CNOT6L: variants seen among roughly 807,000 people sequenced by gnomAD.
The protein encoded by CNOT6L is CCR4-NOT transcription complex subunit 6 like, also known as CCR4-NOT transcription complex subunit 6-like.
A neutral mutation model predicts 64.0 loss-of-function variants in CNOT6L; 7 were observed. The ratio of observed to expected loss-of-function variants is 0.11; its 90% CI spans 0.06 to 0.21. The LOEUF (loss-of-function observed/expected upper bound fraction) is 0.21, where lower values mean the gene tolerates loss of function less well. CNOT6L is among the 10% of genes least tolerant of loss of function. The probability of loss-of-function intolerance (pLI) is 1.00; values close to 1 mark genes in which losing one functional copy is unlikely to be tolerated. For missense variants in CNOT6L, 245 were observed against 669.0 expected (o/e 0.37, Z 6.99); for synonymous variants, 193 against 243.4 (o/e 0.79, Z 1.93).
At chr4:77,786,167 GC>G (rs972485758) in intron 1 of CNOT6L, among the ~76,000 whole-genome samples, 4 of 151,986 alleles carry the variant, frequency 2.6e-5, no homozygotes, top group African/African-American at 9.7e-5. Flanking sequence ...TGTAATTCCA[GC>G]TACTGGGGAA....
intron 1 of CNOT6L, among the ~76,000 whole-genome samples, chr4:77,808,205 T>TC (rs1732470564): frequency 6.6e-6 from 1 of 152,174 alleles, no homozygotes; most frequent in South Asian, 2.1e-4. Context: ...CTCATTCCTG[T>TC]AATCCCAACA....
At chr4:77,774,946 T>A (rs1727995566) in intron 2 of CNOT6L, among the ~76,000 whole-genome samples, 1 of 152,210 alleles carries the variant, frequency 6.6e-6, no homozygotes, top group East Asian at 1.9e-4. Context: ...ACCTTCTATG[T>A]ATTAAATGAG....
intron 4 of CNOT6L, among the ~76,000 whole-genome samples, chr4:77,762,757 T>A (rs1340984449): frequency 1.3e-5 from 2 of 152,124 alleles, no homozygotes; most frequent in Non-Finnish European, 2.9e-5. Context: ...TTCCAATATA[T>A]GACATTCTGG....
At chr4:77,778,870 C>A (rs1340996120) in intron 1 of CNOT6L, among the ~76,000 whole-genome samples, 2 of 151,224 alleles carry the variant, frequency 1.3e-5, no homozygotes, top group Non-Finnish European at 3.0e-5. Context: ...CGGTGAAACC[C>A]CGTCTCTACT....
chr4:77,815,186 C>G (rs933935320), intron 1 of CNOT6L, among the ~76,000 whole-genome samples: 1 of 152,106 alleles, frequency 6.6e-6, no homozygotes, highest in Non-Finnish European at 1.5e-5. Context: ...AAACTATACC[C>G]AGAAACTGAA....
intron 1 of CNOT6L, among the ~76,000 whole-genome samples, chr4:77,809,996 G>A (rs566129576): frequency 6.6e-6 from 1 of 151,896 alleles, no homozygotes; most frequent in African/African-American, 2.4e-5. Flanking sequence ...TTATTTATTA[G>A]ACTACTTATT....
At position 77,719,709 on chromosome 4, in the gene CNOT6L, G is replaced by A. The variant is rs1376502929; in HGVS notation, c.*722C>T. 1.3e-5 allele frequency: 2 copies of A among 152,538 alleles called. No homozygotes were observed. The highest frequency in any genetic ancestry group is 2.9e-5 in the Non-Finnish European group (2 of 68,018). 9.4% of individuals were successfully genotyped at this position (152,538 alleles called of 1,614,324 possible). A position where few individuals can be genotyped will look rare whatever the true frequency, so the allele number is the denominator to read the frequency against. ...TCTCTATAAATAAACTTGAGAGACA[G>A]GCTTAGAATTAATACTTCCAATAAG... On this transcript the variant is annotated 3_prime_UTR_variant, in exon 12 of 12. Coordinates refer to ENST00000504123, the MANE Select transcript of CNOT6L (RefSeq NM_144571.3).
chr4:77,817,179 A>C (rs1733674641), intron 1 of CNOT6L, among the ~76,000 whole-genome samples: 1 of 152,208 alleles, frequency 6.6e-6, no homozygotes, highest in South Asian at 2.1e-4. Context: ...AACGAAAATC[A>C]TAAAGAATAA....
intron 1 of CNOT6L, among the ~76,000 whole-genome samples, chr4:77,784,780 A>C (rs2110090732): frequency 6.6e-6 from 1 of 152,230 alleles, no homozygotes; most frequent in Non-Finnish European, 1.5e-5. Context: ...CACTGCACCC[A>C]GCCTTCTTTC....
intron 7 of CNOT6L, 77 bp from the exon 8 acceptor site, chr4:77,742,372 G>A (rs1039013365): frequency 1.3e-5 from 17 of 1,277,424 alleles, no homozygotes; most frequent in Admixed American, 6.1e-5. Flanking sequence ...TCAGCATTAT[G>A]AGTAAGATGT....
At chr4:77,733,602 C>T (rs1722661581) in intron 8 of CNOT6L, among the ~76,000 whole-genome samples, 1 of 151,910 alleles carries the variant, frequency 6.6e-6, no homozygotes, top group East Asian at 1.9e-4. Flanking sequence ...CTTAAAAATC[C>T]TGTTAATTAT....
chr4:77,752,708 G>C (rs1724985749), intron 5 of CNOT6L, among the ~76,000 whole-genome samples: 1 of 151,508 alleles, frequency 6.6e-6, no homozygotes, highest in Admixed American at 6.6e-5. Context: ...GTGAGATACA[G>C]CTAAAAGCCA....
At chr4:77,788,976 G>A (rs1254374158) in intron 1 of CNOT6L, among the ~76,000 whole-genome samples, 1 of 152,040 alleles carries the variant, frequency 6.6e-6, no homozygotes, top group Non-Finnish European at 1.5e-5. Flanking sequence ...CTTTTCATAA[G>A]TAAATAAATT....
At chr4:77,723,350 A>C (rs1243407680) in intron 11 of CNOT6L, among the ~76,000 whole-genome samples, 1 of 152,224 alleles carries the variant, frequency 6.6e-6, no homozygotes, top group Non-Finnish European at 1.5e-5. Flanking sequence ...AAGTAAACAA[A>C]TACTAAGCTA....
At chr4:77,801,871 G>T (rs1189486161) in intron 1 of CNOT6L, among the ~76,000 whole-genome samples, 2 of 152,130 alleles carry the variant, frequency 1.3e-5, no homozygotes, top group African/African-American at 2.4e-5. Flanking sequence ...CTGTATTCCA[G>T]CCTGGGCAAT....
At chr4:77,772,261 T>C (rs1727640651) in intron 4 of CNOT6L, among the ~76,000 whole-genome samples, 1 of 152,170 alleles carries the variant, frequency 6.6e-6, no homozygotes, top group Non-Finnish European at 1.5e-5. Flanking sequence ...AGACGGAGTT[T>C]CGCTCTTGTT....
At position 77,754,888 on chromosome 4, in the gene CNOT6L, T is replaced by TAAAAAAAAAAAAAAAAAAAAAAA; in HGVS notation, c.490+1951_490+1973dup. Among the ~76,000 whole-genome samples the TAAAAAAAAAAAAAAAAAAAAAAA allele has an allele frequency of 1.1e-3, 42 of 36,946 alleles. 7 individuals are homozygous for TAAAAAAAAAAAAAAAAAAAAAAA. Among genetic ancestry groups the TAAAAAAAAAAAAAAAAAAAAAAA allele is most frequent in the Non-Finnish European group, 1.5e-3 (33 of 21,314 alleles). The allele number at this position is 36,946 out of a possible 152,430, so 24.2% of individuals were successfully genotyped here. A position where few individuals can be genotyped will look rare whatever the true frequency, so the allele number is the denominator to read the frequency against. On this transcript the variant is annotated intron_variant, in intron 5 of 11. Transcript: ENST00000504123. ...AAAACCTAATTCTAAACATTAGAAG[T>TAAAAAAAAAAAAAAAAAAAAAAA]AAAAAAAAAAAAAAAAAAAAAAAAA... is the stretch of plus-strand genomic sequence containing the variant.
At chr4:77,756,001 T>G (rs1396080658) in intron 5 of CNOT6L, among the ~76,000 whole-genome samples, 2 of 152,176 alleles carry the variant, frequency 1.3e-5, no homozygotes, top group Non-Finnish European at 2.9e-5. Flanking sequence ...TATATTTTTT[T>G]GAGACAGAGT....
intron 1 of CNOT6L, among the ~76,000 whole-genome samples, chr4:77,810,534 G>A (rs542291359): frequency 2.5e-4 from 38 of 151,846 alleles, no homozygotes; most frequent in Non-Finnish European, 3.8e-4. Context: ...GCACATAATT[G>A]TATATATATA....
Sources: gnomAD v4.1 joint callset for allele counts (sites outside exome capture counted in the v4.1 genomes callset) on GRCh38, gnomAD v4.1.1 for gene constraint, MANE v1.5 for transcripts, NCBI Gene and HGNC (gene_info 2026-07-23, HGNC 2026-07-21) for gene names.